The following ASPH variants were observed in gnomAD, a reference collection of about 807,000 sequenced individuals.
ASPH encodes aspartyl/asparaginyl beta-hydroxylase.
Under a neutral mutation model 118.4 loss-of-function variants are expected in ASPH, and 100 were observed. That is an observed-to-expected ratio of 0.84 (90% CI 0.72 to 1.00). The LOEUF is 1.00. ASPH is among the 50% of genes least tolerant of loss of function. The probability of loss-of-function intolerance (pLI) is 0.00; values close to 1 mark genes in which losing one functional copy is unlikely to be tolerated. For missense variants in ASPH, 920 were observed against 919.5 expected, an observed-to-expected ratio of 1.00 and a Z score of -0.01; for synonymous variants, 315 against 325.6, an observed-to-expected ratio of 0.97 and a Z score of 0.35.
chr8:61,649,554 T>C (rs958829678), intron 5 of ASPH, among the ~76,000 whole-genome samples: 5 of 152,124 alleles, frequency 3.3e-5, no homozygotes, highest in African/African-American at 1.2e-4. Context: ...ATAAATGTGA[T>C]TTTCTAAATG....
intron 3 of ASPH, among the ~76,000 whole-genome samples, chr8:61,672,076 T>C (rs926047496): frequency 2.6e-5 from 4 of 152,236 alleles, no homozygotes; most frequent in African/African-American, 9.6e-5. Flanking sequence ...CATTTCAACA[T>C]TGACTACAAA....
At chr8:61,599,001 A>G (rs1459199444) in intron 14 of ASPH, among the ~76,000 whole-genome samples, 1 of 152,166 alleles carries the variant, frequency 6.6e-6, no homozygotes, top group Admixed American at 6.6e-5. Flanking sequence ...TAGTGCTAAG[A>G]AGGAAGTTTA....
chr8:61,504,573 G>A lies in ASPH; in HGVS notation c.2127-1064C>T, dbSNP rs543116877. On this transcript the variant is annotated intron_variant, in intron 24 of 24. Transcript: ENST00000379454. ...ACATATATTGCAGGGCTTCACAACC[G>A]TGGTACTACTGACATCTAGGCTGGA... is the stretch of plus-strand genomic sequence containing the variant. Among the ~76,000 whole-genome samples, 27 of 152,288 alleles carry A rather than the reference G, an allele frequency of 1.8e-4. No individual in the cohort carries two copies. The South Asian group carries it at 2.5e-3, about 14-fold the overall frequency.
Position 61,501,216 on chromosome 8 carries a change from T to C in ASPH, c.*2143A>G, listed in dbSNP as rs1419875518. 2 of 152,118 alleles carry C rather than the reference T, an allele frequency of 1.3e-5. No homozygotes were observed. Among genetic ancestry groups the C allele is most frequent in the African/African-American group, 4.8e-5 (2 of 41,456 alleles). 9.4% of individuals were successfully genotyped at this position (152,118 alleles called of 1,614,324 possible). ...CCAAGACATAGATAGGTAAGAGAAA[T>C]AAAGAATTGAAGTGAATTAGAAAAT... On this transcript the variant is annotated 3_prime_UTR_variant, in exon 25 of 25. Transcript: ENST00000379454.
rs189376297 is a variant in ASPH at position 61,537,071 on chromosome 8, C to A, written c.1765-10959G>T. 8.5e-5 allele frequency among the ~76,000 whole-genome samples: 13 copies of A among 152,280 alleles called. No individual in the cohort carries two copies. The East Asian group carries it at 2.5e-3, about 29-fold the overall frequency. ...AGATAATCCAGGTTGCCAGGACAAA[C>A]AACCAGCCTGAGGGCTTCAAGGACT... On this transcript the variant is annotated intron_variant, in intron 21 of 24. Transcript: ENST00000379454.
In ASPH at chr8:61,567,283, A is replaced by G; in HGVS notation, c.1185T>C (p.Asn395=). The G allele has an allele frequency of 1.2e-6, 2 of 1,613,948 alleles. No individual in the cohort carries two copies. Among genetic ancestry groups the G allele is most frequent in the Non-Finnish European group, 1.7e-6 (2 of 1,179,954 alleles). ...TCTCGATGGCTCCACGTAGCACCTC[A>G]TTACTTCTCCTCTTCTCAGCCAAAT... The part of the protein sequence containing the change: ...EDDLAEKRRS[N]EVLRGAIETY... Residue 395 remains asparagine, a synonymous_variant, in exon 17 of 25, where the codon AAT becomes AAC. Transcript: ENST00000379454.
chr8:61,509,012 T>TTC (rs1807772539), intron 24 of ASPH, among the ~76,000 whole-genome samples: 4 of 151,110 alleles, frequency 2.6e-5, no homozygotes, highest in Admixed American at 2.6e-4. Flanking sequence ...ACACTTCTTC[T>TTC]TCTCTCTCTC....
rs546316180 is a variant in ASPH at position 61,604,574 on chromosome 8, G to C, written c.976+14404C>G. Among the ~76,000 whole-genome samples the C allele has an allele frequency of 2.8e-3, 427 of 152,212 alleles. 2 individuals are homozygous for C. The highest frequency in any genetic ancestry group is 9.9e-3 in the African/African-American group (411 of 41,534). On this transcript the variant is annotated intron_variant, in intron 14 of 24. Coordinates refer to ENST00000379454, the MANE Select transcript of ASPH (RefSeq NM_004318.4). ...TGAGCATACTGTCACTTAGAAGGAG[G>C]TGACATTCCAAAACATCACAGATTA...
At chr8:61,696,613 G>A (rs532727125) in intron 1 of ASPH, among the ~76,000 whole-genome samples, 20 of 151,914 alleles carry the variant, frequency 1.3e-4, no homozygotes, top group East Asian at 3.9e-4. Flanking sequence ...CTCTGCAAAC[G>A]TAATTATTTC....
intron 22 of ASPH, among the ~76,000 whole-genome samples, chr8:61,524,126 T>G (rs1814317068): frequency 6.6e-6 from 1 of 152,134 alleles, no homozygotes; most frequent in Non-Finnish European, 1.5e-5. Context: ...GGAAAACACA[T>G]GCTCAATCAC....
Position 61,638,342 on chromosome 8 carries a change from T to G in ASPH, c.812A>C (p.Asn271Thr). 2 of 1,597,544 alleles carry G rather than the reference T, an allele frequency of 1.3e-6. No homozygotes were observed. The highest frequency in any genetic ancestry group is 1.7e-6 in the Non-Finnish European group (2 of 1,175,146). Reference protein sequence around the residue: ...EEQAVYEPLENEGIEITEVTA... With the variant: ...EEQAVYEPLETEGIEITEVTA... ...CTTACCTGTGATTTCTATCCCTTCATTTTCTAGAGGTTCATATACTGCTAA... is the reference window on the plus strand; with the variant it reads ...CTTACCTGTGATTTCTATCCCTTCAGTTTCTAGAGGTTCATATACTGCTAA... Residue 271 changes from asparagine (N) to threonine (T), a missense_variant, in exon 11 of 25, where the codon AAT (asparagine) becomes ACT (threonine). Physicochemically the swap from Asn to Thr is moderately conservative, Grantham distance 65. Coordinates refer to ENST00000379454, the MANE Select transcript of ASPH (RefSeq NM_004318.4).
intron 16 of ASPH, among the ~76,000 whole-genome samples, chr8:61,572,680 C>G (rs1833822335): frequency 6.6e-6 from 1 of 152,166 alleles, no homozygotes; most frequent in South Asian, 2.1e-4. Context: ...CAGTCCAAGC[C>G]ACCAGCATCT....
At chr8:61,542,106 C>T (rs957784689) in intron 21 of ASPH, among the ~76,000 whole-genome samples, 2 of 152,192 alleles carry the variant, frequency 1.3e-5, no homozygotes, top group South Asian at 4.1e-4. Context: ...GTTTTATGGC[C>T]TAGTGTATAG....
chr8:61,625,206 G>A, intron 13 of ASPH: 2 of 985,654 alleles, frequency 2.0e-6, no homozygotes, highest in Non-Finnish European at 2.4e-6. Context: ...AATTATTTCT[G>A]AGCCCAAAAT....
At chr8:61,549,230 T>G (rs2130925512) in intron 20 of ASPH, among the ~76,000 whole-genome samples, 1 of 152,362 alleles carries the variant, frequency 6.6e-6, no homozygotes, top group Non-Finnish European at 1.5e-5. Context: ...AAATTTTCCC[T>G]CATTAGGAGA....
At chr8:61,690,824 T>A (rs936777822) in intron 1 of ASPH, among the ~76,000 whole-genome samples, 3 of 152,080 alleles carry the variant, frequency 2.0e-5, no homozygotes, top group African/African-American at 7.2e-5. Flanking sequence ...AAAAATGAAA[T>A]TCTTGTTAAA....
chr8:61,632,910 A>G (rs2150774499), intron 13 of ASPH, among the ~76,000 whole-genome samples: 1 of 152,304 alleles, frequency 6.6e-6, no homozygotes, highest in East Asian at 1.9e-4. Flanking sequence ...TAAAGGTTGA[A>G]CAAATAAATA....
chr8:61,613,996 C>T (rs1360686282), intron 14 of ASPH, among the ~76,000 whole-genome samples: 2 of 152,068 alleles, frequency 1.3e-5, no homozygotes, highest in East Asian at 3.9e-4. Flanking sequence ...CTAGTTGCAC[C>T]AAGCTGATTT....
intron 5 of ASPH, among the ~76,000 whole-genome samples, chr8:61,647,586 G>A (rs1341377521): frequency 2.6e-5 from 4 of 152,102 alleles, no homozygotes; most frequent in African/African-American, 2.4e-5. Flanking sequence ...CAGGAGAATC[G>A]CTTGAACCTG....
Sources: allele counts gnomAD v4.1 joint callset (sites outside exome capture counted in the v4.1 genomes callset), GRCh38; gene constraint gnomAD v4.1.1; transcripts MANE v1.5; gene names NCBI Gene and HGNC (gene_info 2026-07-23, HGNC 2026-07-21).